Variants in KANSL1 observed in about 807,000 individuals in gnomAD.
The protein encoded by KANSL1 is KAT8 regulatory NSL complex subunit 1, also known as MLL1/MLL complex subunit KANSL1.
KANSL1 carries 22 observed loss-of-function variants against 103.6 expected under a neutral mutation model. That is an observed-to-expected ratio of 0.21 (90% CI 0.15 to 0.30). The LOEUF (loss-of-function observed/expected upper bound fraction) is 0.30, where lower values mean the gene tolerates loss of function less well. KANSL1 is among the 10% of genes least tolerant of loss of function. KANSL1 has a pLI of 1.00. For missense variants in KANSL1, 1,337 were observed against 1,399.8 expected, an observed-to-expected ratio of 0.96 and a Z score of 0.72; for synonymous variants, 600 against 527.6, an observed-to-expected ratio of 1.14 and a Z score of -1.88.
intron 1 of KANSL1, among the ~76,000 whole-genome samples, chr17:46,190,663 C>T (rs1176993201): frequency 6.6e-6 from 1 of 152,206 alleles, no homozygotes; most frequent in Non-Finnish European, 1.5e-5. Flanking sequence ...CATTAAGAAC[C>T]TTTGTAACAT....
At chr17:46,184,405 C>T (rs2046924032) in intron 1 of KANSL1, among the ~76,000 whole-genome samples, 1 of 152,332 alleles carries the variant, frequency 6.6e-6, no homozygotes, top group South Asian at 2.1e-4. Flanking sequence ...CCTGTCTCAG[C>T]AAGCCTCTAA....
rs1404523701 is a variant in KANSL1 at position 46,031,515 on chromosome 17, C to A, written c.3279G>T (p.Leu1093=). The A allele has an allele frequency of 1.2e-6, 2 of 1,613,534 alleles. No homozygotes were observed. Among genetic ancestry groups the A allele is most frequent in the Non-Finnish European group, 1.7e-6 (2 of 1,179,826 alleles). The change falls in exon 15 of 15, where the codon CTG becomes CTT. Residue 1093 remains leucine, a synonymous_variant. Coordinates refer to ENST00000432791, the MANE Select transcript of KANSL1 (RefSeq NM_015443.4). ...GGCGCTGAGCTGTGGCTGCTGCCACCAGATGCCGACTCTTGAGGGGGACAA... is the reference window on the plus strand; with the variant it reads ...GGCGCTGAGCTGTGGCTGCTGCCACAAGATGCCGACTCTTGAGGGGGACAA... ...PPIVPLKSRH[L]VAAATAQRPT...
At chr17:46,170,419 T>C (rs2046224430) in intron 2 of KANSL1, 2 of 181,980 alleles carry the variant, frequency 1.1e-5, no homozygotes, top group African/African-American at 4.8e-5. Flanking sequence ...GAAAGTTCAA[T>C]CAAAAGCAAC....
intron 2 of KANSL1, among the ~76,000 whole-genome samples, chr17:46,129,901 G>A (rs1183700512): frequency 6.6e-6 from 1 of 152,014 alleles, no homozygotes; most frequent in Non-Finnish European, 1.5e-5. Flanking sequence ...ATCATCTAGG[G>A]AGGGCTGGGC....
intron 4 of KANSL1, among the ~76,000 whole-genome samples, chr17:46,068,932 C>A (rs977303172): frequency 6.6e-6 from 1 of 151,842 alleles, no homozygotes; most frequent in Non-Finnish European, 1.5e-5. Context: ...TGACTCCTTA[C>A]TTTATTTTTT....
chr17:46,216,156 G>C (rs1419842019), intron 1 of KANSL1, among the ~76,000 whole-genome samples: 1 of 152,216 alleles, frequency 6.6e-6, no homozygotes, highest in East Asian at 1.9e-4. Flanking sequence ...GTCAGAGCTG[G>C]AAAAACACAC....
chr17:46,042,212 T>C (rs2077351519), intron 7 of KANSL1: 1 of 152,220 alleles, frequency 6.6e-6, no homozygotes, highest in Admixed American at 6.5e-5. Context: ...GCCTGTTTAA[T>C]ATATTTTCTA....
intron 4 of KANSL1, among the ~76,000 whole-genome samples, chr17:46,074,062 G>A (rs146162463): frequency 2.1e-3 from 321 of 152,240 alleles, no homozygotes; most frequent in Non-Finnish European, 3.5e-3. Context: ...AGACATCCTA[G>A]AAGCAGTGAC....
intron 4 of KANSL1, among the ~76,000 whole-genome samples, chr17:46,081,247 T>A (rs572941244): frequency 6.6e-6 from 1 of 152,200 alleles, no homozygotes; most frequent in Non-Finnish European, 1.5e-5. Context: ...AGTATCTACA[T>A]AGAACTTACT....
Position 46,137,854 on chromosome 17 carries a change from G to A in KANSL1, c.1289+33001C>T, listed in dbSNP as rs532845993. ...TGCACTCAGGTCTGGGCGACACAGCGAGACTCTGTCTCAAAAAAAAAAAAA... is the reference window on the plus strand; with the variant it reads ...TGCACTCAGGTCTGGGCGACACAGCAAGACTCTGTCTCAAAAAAAAAAAAA... On this transcript the variant is annotated intron_variant, in intron 2 of 14. Coordinates refer to ENST00000432791, the MANE Select transcript of KANSL1 (RefSeq NM_015443.4). Among the ~76,000 whole-genome samples the A allele has an allele frequency of 1.5e-3, 218 of 147,784 alleles. 1 individual carries two copies. Among genetic ancestry groups the A allele is most frequent in the African/African-American group, 5.1e-3 (200 of 39,090 alleles).
chr17:46,201,735 A>G (rs1918786), intron 1 of KANSL1, among the ~76,000 whole-genome samples: 21,916 of 151,742 alleles, frequency 0.14, 2,135 homozygotes, highest in Middle Eastern at 0.22. Flanking sequence ...AAGTCCAGGT[A>G]CAGTGGCTCA....
At position 46,171,669 on chromosome 17, in the gene KANSL1, T is replaced by G. The variant is rs1205072777; in HGVS notation, c.475A>C (p.Lys159Gln). Residue 159 changes from lysine to glutamine, a missense_variant, in exon 2 of 15, where the codon AAG becomes CAG. Around this residue, in one of 2 missense-constraint regions of KANSL1, gnomAD observed 557 missense variants for 476.4 expected, o/e 1.17. Coordinates refer to ENST00000432791, the MANE Select transcript of KANSL1 (RefSeq NM_015443.4). Reference sequence around the variant, plus strand: ...TGTGTTGAACTTTTAGTCAATTTCTTAGCCAACCCATTTACAGGTGCTTGT... The same window carrying G: ...TGTGTTGAACTTTTAGTCAATTTCTGAGCCAACCCATTTACAGGTGCTTGT... Reference protein sequence around the residue: ...LPQAPVNGLAKKLTKSSTHSD... With the variant: ...LPQAPVNGLAQKLTKSSTHSD... 6.4e-7 allele frequency: 1 copy of G among 1,552,238 alleles called. No homozygotes were observed. Among genetic ancestry groups the G allele is most frequent in the Non-Finnish European group, 8.7e-7 (1 of 1,153,734 alleles).
At chr17:46,210,961 C>G (rs1214767850) in intron 1 of KANSL1, among the ~76,000 whole-genome samples, 1 of 152,072 alleles carries the variant, frequency 6.6e-6, no homozygotes. Flanking sequence ...CAGAAGGGCA[C>G]GCTTCAACTC....
At chr17:46,156,278 C>G (rs544539154) in intron 2 of KANSL1, among the ~76,000 whole-genome samples, 24 of 152,328 alleles carry the variant, frequency 1.6e-4, no homozygotes, top group African/African-American at 5.3e-4. Flanking sequence ...ACCCAGGAGG[C>G]AGAGGTTGCA....
chr17:46,114,060 A>G (rs769430004), intron 2 of KANSL1, among the ~76,000 whole-genome samples: 1 of 152,164 alleles, frequency 6.6e-6, no homozygotes, highest in African/African-American at 2.4e-5. Flanking sequence ...AAGCAAACTG[A>G]TAAGAAAAAG....
At chr17:46,115,787 C>A (rs1232429256) in intron 2 of KANSL1, among the ~76,000 whole-genome samples, 1 of 152,210 alleles carries the variant, frequency 6.6e-6, no homozygotes, top group Non-Finnish European at 1.5e-5. Flanking sequence ...CATACCCAGA[C>A]CGCTTTTAAC....
intron 2 of KANSL1, among the ~76,000 whole-genome samples, chr17:46,146,241 A>G (rs1161108313): frequency 1.3e-5 from 2 of 152,220 alleles, no homozygotes; most frequent in Non-Finnish European, 2.9e-5. Flanking sequence ...ATAGACGTCT[A>G]GTTTTCATGA....
rs74964239 is a variant in KANSL1, at chr17:46,210,488, A to G, written c.-90+13183T>C. ...ACTCTGTCTCAAAAAAAAAAAAAAA[A>G]AAAAAAAAAAAAAAGACCTGAGTGG... On this transcript the variant is annotated intron_variant, in intron 1 of 14. Coordinates refer to the KANSL1 transcript ENST00000572904. Among the ~76,000 whole-genome samples the G allele has an allele frequency of 1.3e-4, 18 of 135,984 alleles. 1 individual carries two copies. Among genetic ancestry groups the G allele is most frequent in the Non-Finnish European group, 2.3e-4 (15 of 63,884 alleles). 89.2% of individuals were successfully genotyped at this position (135,984 alleles called of 152,430 possible). A position where few individuals can be genotyped will look rare whatever the true frequency, so the allele number is the denominator to read the frequency against.
chr17:46,179,770 A>C (rs1420246115), intron 1 of KANSL1, among the ~76,000 whole-genome samples: 2 of 152,214 alleles, frequency 1.3e-5, no homozygotes, highest in Admixed American at 1.3e-4. Context: ...TGAAGGTTAA[A>C]AGAAATGAAC....
Sources: gnomAD v4.1 joint callset for allele counts (sites outside exome capture counted in the v4.1 genomes callset) on GRCh38, gnomAD v4.1.1 for gene constraint, gnomAD v4.1.1 regional missense constraint, MANE v1.5 for transcripts, NCBI Gene and HGNC (gene_info 2026-07-23, HGNC 2026-07-21) for gene names.